TYW1B: variants seen among roughly 807,000 people sequenced by gnomAD.
The protein encoded by TYW1B is tRNA-yW synthesizing protein 1 homolog B, also known as S-adenosyl-L-methionine-dependent tRNA 4-demethylwyosine synthase TYW1B.
In TYW1B, 73 loss-of-function variants were observed where a neutral mutation model predicts 86.9. That is an observed-to-expected ratio of 0.84 (90% confidence interval 0.70 to 1.02). The LOEUF is 1.02. Ranked by LOEUF, TYW1B falls within the 50% of genes least tolerant of loss-of-function variation. TYW1B has a pLI of 0.00. For synonymous variants in TYW1B, 248 were observed against 292.8 expected, an observed-to-expected ratio of 0.85 and a Z score of 1.56; for missense variants, 637 against 827.4, an observed-to-expected ratio of 0.77 and a Z score of 2.82.
At chr7:72,641,595 A>T (rs564839230) in intron 11 of TYW1B, among the ~76,000 whole-genome samples, 17 of 152,196 alleles carry the variant, frequency 1.1e-4, no homozygotes, top group Non-Finnish European at 2.2e-4. Context: ...TGAAATTTCC[A>T]GAACAGCTAT....
At chr7:72,774,330 T>A (rs2129571969) in intron 7 of TYW1B, among the ~76,000 whole-genome samples, 3 of 22,084 alleles carry the variant, frequency 1.4e-4, no homozygotes, top group African/African-American at 2.2e-4. Context: ...GCCATAAAAG[T>A]GAGATATAAA....
intron 7 of TYW1B, chr7:72,768,701 G>A (rs1431898487): frequency 6.5e-6 from 1 of 154,504 alleles, no homozygotes; most frequent in East Asian, 1.9e-4. Flanking sequence ...GCAGAAGAAT[G>A]GCATGAACCC....
At chr7:72,697,033 A>T (rs1814337938) in intron 10 of TYW1B, among the ~76,000 whole-genome samples, 1 of 5,132 alleles carries the variant, frequency 1.9e-4, no homozygotes, top group South Asian at 2.9e-3. Context: ...TTTCTACTTA[A>T]AAAAAAAAAA....
At chr7:72,589,138 T>C (rs1289918842) in intron 13 of TYW1B, among the ~76,000 whole-genome samples, 2 of 152,172 alleles carry the variant, frequency 1.3e-5, no homozygotes, top group African/African-American at 4.8e-5. Context: ...TAAGCCTCAG[T>C]TTCCTCCTTT....
chr7:72,727,794 C>CA (rs1787027308), intron 9 of TYW1B, among the ~76,000 whole-genome samples: 1 of 113,378 alleles, frequency 8.8e-6, no homozygotes, highest in Admixed American at 1.3e-4. Flanking sequence ...GCCTGGGTGA[C>CA]AGAGTGAGAT....
intron 9 of TYW1B, among the ~76,000 whole-genome samples, chr7:72,721,152 T>G (rs1446632781): frequency 2.0e-5 from 3 of 152,216 alleles, no homozygotes; most frequent in Non-Finnish European, 4.4e-5. Flanking sequence ...CTATCATTGA[T>G]GGACATTTGG....
chr7:72,675,196 T>G (rs1202453724), intron 11 of TYW1B, among the ~76,000 whole-genome samples: 1 of 151,870 alleles, frequency 6.6e-6, no homozygotes, highest in Non-Finnish European at 1.5e-5. Flanking sequence ...ATCAGGAGTT[T>G]GAGACCAGCC....
chr7:72,799,837 A>G (rs1173448733), intron 6 of TYW1B, among the ~76,000 whole-genome samples: 6 of 152,142 alleles, frequency 3.9e-5, no homozygotes, highest in African/African-American at 1.4e-4. Context: ...TAAGGGGCAA[A>G]TAGTTCCTCC....
intron 11 of TYW1B, among the ~76,000 whole-genome samples, chr7:72,672,056 GGCAAGTGTTTCCCAT>G (rs1167557462): frequency 2.0e-5 from 3 of 151,622 alleles, no homozygotes; most frequent in African/African-American, 7.3e-5. Flanking sequence ...TGAATCATGG[GGCAAGTGTTTCCCAT>G]GCTGTTCTCG....
intron 13 of TYW1B, among the ~76,000 whole-genome samples, chr7:72,579,112 C>T (rs150830784): frequency 0.01 from 1,576 of 151,920 alleles, 28 homozygotes; most frequent in African/African-American, 0.036. Flanking sequence ...ATCTAGTACA[C>T]GCAAATATAC....
chr7:72,645,113 C>T (rs377024658), intron 11 of TYW1B, among the ~76,000 whole-genome samples: 47 of 152,280 alleles, frequency 3.1e-4, no homozygotes, highest in Admixed American at 1.2e-3. Context: ...AGGCGTGAGC[C>T]GCCGCGCCCA....
intron 6 of TYW1B, among the ~76,000 whole-genome samples, chr7:72,779,771 T>A (rs1240929421): frequency 2.2e-5 from 3 of 137,036 alleles, no homozygotes; most frequent in African/African-American, 2.7e-5. Flanking sequence ...TTGGAGTCAA[T>A]ATCTCTACAT....
intron 10 of TYW1B, among the ~76,000 whole-genome samples, chr7:72,711,475 T>A (rs1270113351): frequency 9.7e-6 from 1 of 103,608 alleles, no homozygotes; most frequent in Admixed American, 9.8e-5. Flanking sequence ...CTTTAATTCT[T>A]TTTTTTTTTT....
At chr7:72,792,304 GCAA>G in intron 6 of TYW1B, among the ~76,000 whole-genome samples, 1 of 151,356 alleles carries the variant, frequency 6.6e-6, no homozygotes, top group East Asian at 1.9e-4. Context: ...TCCAGCCTGG[GCAA>G]CAGAGCAAGA....
chr7:72,816,157 A>G (rs1788718153), intron 2 of TYW1B, among the ~76,000 whole-genome samples: 1 of 152,182 alleles, frequency 6.6e-6, no homozygotes, highest in Admixed American at 6.6e-5. Flanking sequence ...CGGCTGGATC[A>G]CTTGAAGTCA....
chr7:72,825,285 G>T (rs1462859210), intron 2 of TYW1B, among the ~76,000 whole-genome samples: 5 of 152,100 alleles, frequency 3.3e-5, no homozygotes, highest in African/African-American at 9.7e-5. Context: ...AAGAGAGAAT[G>T]GGAAGCATCT....
chr7:72,632,271 ATATATATATACGTG>A, intron 11 of TYW1B, among the ~76,000 whole-genome samples: 1 of 101,890 alleles, frequency 9.8e-6, no homozygotes, highest in Non-Finnish European at 1.9e-5. Context: ...AAAAATATAT[ATATATATATACGTG>A]TATATATATA....
At chr7:72,708,965 C>T (rs1156496093) in intron 10 of TYW1B, among the ~76,000 whole-genome samples, 4 of 152,126 alleles carry the variant, frequency 2.6e-5, no homozygotes, top group African/African-American at 9.7e-5. Context: ...TCACATCTTT[C>T]ATTGGAAAAA....
chr7:72,789,552 A>C (rs1366900336), intron 6 of TYW1B, among the ~76,000 whole-genome samples: 2 of 152,192 alleles, frequency 1.3e-5, no homozygotes, highest in African/African-American at 4.8e-5. Context: ...TAAGTAACAA[A>C]ATGCTAAAAC....
Sources: allele counts gnomAD v4.1 joint callset (sites outside exome capture counted in the v4.1 genomes callset), GRCh38; gene constraint gnomAD v4.1.1; transcripts MANE v1.5; gene names NCBI Gene and HGNC (gene_info 2026-07-23, HGNC 2026-07-21).